UBR2: variants seen among roughly 807,000 people sequenced by gnomAD.
The protein encoded by UBR2 is ubiquitin protein ligase E3 component n-recognin 2, also known as E3 ubiquitin-protein ligase UBR2.
In UBR2, 92 loss-of-function variants were observed where a neutral mutation model predicts 247.9. The observed-to-expected ratio is 0.37, with a 90% CI of 0.31 to 0.44. UBR2 has a LOEUF of 0.44. UBR2 is among the 20% of genes least tolerant of loss of function. The pLI, the probability that UBR2 is intolerant of heterozygous loss-of-function variation, is 1.00. For synonymous variants in UBR2, 672 were observed against 693.5 expected (o/e 0.97, Z 0.49); for missense variants, 1,613 against 2,112.6 (o/e 0.76, Z 4.64).
In UBR2 at chr6:42,619,929, G is replaced by T; in HGVS notation, c.1281+2422G>T. On this transcript the variant is annotated intron_variant, in intron 11 of 46. Transcript: ENST00000372901. ...AGCTTATATGGTTTATATTTTTGAT[G>T]CTGTAGTAAACTTTTTATATTTTTG... 4 of 858,994 alleles carry T rather than the reference G, an allele frequency of 4.7e-6. No individual in the cohort carries two copies. In the South Asian group the frequency reaches 2.2e-4, roughly 46 times the overall value. 53.2% of individuals were successfully genotyped at this position (858,994 alleles called of 1,614,324 possible). A position where few individuals can be genotyped will look rare whatever the true frequency, so the allele number is the denominator to read the frequency against.
Position 42,662,165 on chromosome 6 carries a change from G to A in UBR2, c.3443-19G>A. On this transcript the variant is annotated intron_variant, in intron 30 of 46. Coordinates refer to ENST00000372901, the MANE Select transcript of UBR2 (RefSeq NM_001363705.2). The stretch of plus-strand genomic sequence containing the variant: ...AAATGCTTCACTTTTGTTTTGTTTT[G>A]TTTTGTTTTGTAATGCAGAAAAATA... The A allele has an allele frequency of 1.3e-6, 2 of 1,510,272 alleles. No individual in the cohort carries two copies. The highest frequency in any genetic ancestry group is 1.8e-6 in the Non-Finnish European group (2 of 1,100,854). The allele number at this position is 1,510,272 out of a possible 1,614,324, so 93.6% of individuals were successfully genotyped here. A position where few individuals can be genotyped will look rare whatever the true frequency, so the allele number is the denominator to read the frequency against.
At position 42,609,570 on chromosome 6, in the gene UBR2, T is replaced by C. The variant is rs114476500; in HGVS notation, c.865-2601T>C. Among the ~76,000 whole-genome samples the C allele has an allele frequency of 6.6e-3, 1,004 of 151,260 alleles. 5 individuals are homozygous for C. Among genetic ancestry groups the C allele is most frequent in the Non-Finnish European group, 9.5e-3 (641 of 67,754 alleles). Reference sequence around the variant, plus strand: ...AGTAAAAGGAGGATCCAAAAAAAAATAAAAAGGAGTAAATACATTCTTAAA... The same window carrying C: ...AGTAAAAGGAGGATCCAAAAAAAAACAAAAAGGAGTAAATACATTCTTAAA... On this transcript the variant is annotated intron_variant, in intron 7 of 46. Transcript: ENST00000372901.
intron 11 of UBR2, among the ~76,000 whole-genome samples, chr6:42,632,069 A>AAAAATATATATATATATATAT (rs56721828): frequency 8.8e-6 from 1 of 114,088 alleles, no homozygotes; most frequent in African/African-American, 3.4e-5. Context: ...AAAAAAAAAA[A>AAAAATATATATATATATATAT]ATATATATAT....
At chr6:42,673,936 ATTTTGT>A in intron 37 of UBR2, 49 bp downstream of exon 37, 2 of 1,526,138 alleles carry the variant, frequency 1.3e-6, no homozygotes, top group Non-Finnish European at 1.8e-6. Flanking sequence ...ATCCTCTGAA[ATTTTGT>A]TTTTAATGGT....
intron 15 of UBR2, among the ~76,000 whole-genome samples, chr6:42,638,096 T>G (rs1450383232): frequency 6.6e-6 from 1 of 152,226 alleles, no homozygotes; most frequent in Non-Finnish European, 1.5e-5. Flanking sequence ...CTTAAATGTT[T>G]GACAGAATTC....
chr6:42,615,862 A>C, intron 9 of UBR2, 140 bp from the exon 10 acceptor site: 1 of 554,168 alleles, frequency 1.8e-6, no homozygotes, highest in Non-Finnish European at 3.0e-6. Flanking sequence ...AGTTAAGACC[A>C]GCCTGGGCAA....
chr6:42,658,962 A>G, intron 29 of UBR2, 138 bp downstream of exon 29: 1 of 931,802 alleles, frequency 1.1e-6, no homozygotes, highest in Admixed American at 3.4e-5. Context: ...TGTGACCTCC[A>G]TTTAGAAGAT....
At chr6:42,582,931 GTGCTTATTGCCCATTCATCCAGCTTCTC>G (rs1792004863) in intron 2 of UBR2, among the ~76,000 whole-genome samples, 1 of 151,692 alleles carries the variant, frequency 6.6e-6, no homozygotes, top group South Asian at 2.1e-4. Context: ...GATTTTCCAT[GTGCTTATTGCCCATTCATCCAGCTTCTC>G]TTGTGAAGTT....
intron 36 of UBR2, 84 bp downstream of exon 36, chr6:42,670,799 T>G: frequency 3.6e-5 from 36 of 995,132 alleles, no homozygotes; most frequent in Non-Finnish European, 5.3e-5. Context: ...GGACCTGCAG[T>G]AGTTACTTAC....
In UBR2 at chr6:42,665,507, C is replaced by G; in HGVS notation, c.3797C>G (p.Thr1266Ser). 1 of 1,605,104 alleles carries G rather than the reference C, an allele frequency of 6.2e-7. No homozygotes were observed. The highest frequency in any genetic ancestry group is 8.5e-7 in the Non-Finnish European group (1 of 1,173,372). ...ALQFLRKEES[T>S]PNNASTKNSE... ...CAGTTTCTTAGGAAAGAAGAAAGTA[C>G]TCCTAGTAAGTTCTGGTAACCTGTT... is the stretch of plus-strand genomic sequence containing the variant. Residue 1266 changes from threonine to serine, a missense_variant, in exon 33 of 47, where the codon ACT becomes AGT. Physicochemically the swap from Thr to Ser is moderately conservative, Grantham distance 58. This residue lies in a region of UBR2 where 1,524 missense variants were observed against 1,967.3 expected (regional missense o/e 0.77). Transcript: ENST00000372901.
At chr6:42,664,692 T>A (rs1284117890) in intron 32 of UBR2, among the ~76,000 whole-genome samples, 1 of 152,260 alleles carries the variant, frequency 6.6e-6, no homozygotes, top group Non-Finnish European at 1.5e-5. Context: ...TTTGAACTGA[T>A]GAAGAAATTA....
At chr6:42,667,625 G>A (rs1238043855) in intron 34 of UBR2, among the ~76,000 whole-genome samples, 2 of 93,608 alleles carry the variant, frequency 2.1e-5, no homozygotes, top group African/African-American at 4.3e-5. Context: ...ATGGAATCTC[G>A]TGCTGTCGCC....
chr6:42,568,654 C>T (rs574633899), intron 1 of UBR2, among the ~76,000 whole-genome samples: 3 of 151,944 alleles, frequency 2.0e-5, no homozygotes, highest in East Asian at 1.9e-4. Flanking sequence ...GGCATGAACC[C>T]GGGAGGCGGA....
At chr6:42,611,790 C>T (rs1794104976) in intron 7 of UBR2, among the ~76,000 whole-genome samples, 1 of 151,788 alleles carries the variant, frequency 6.6e-6, no homozygotes, top group Non-Finnish European at 1.5e-5. Context: ...TCTGTAGTCC[C>T]AGCTCCTTGG....
chr6:42,634,559 ATTC>A (rs1408850729), intron 13 of UBR2, among the ~76,000 whole-genome samples: 5 of 152,190 alleles, frequency 3.3e-5, no homozygotes, highest in Non-Finnish European at 5.9e-5. Context: ...GGTTCAAGCA[ATTC>A]TTCTGCCTCA....
At position 42,615,688 on chromosome 6, in the gene UBR2, G is replaced by A. The variant is rs1476682249; in HGVS notation, c.1094-314G>A. On this transcript the variant is annotated intron_variant, in intron 9 of 46. Coordinates refer to ENST00000372901, the MANE Select transcript of UBR2 (RefSeq NM_001363705.2). ...GCCTGTAGTCTCAGCTACACAGGAG[G>A]CTGAGGCAAGAGGATCACTTGAGCT... is the stretch of plus-strand genomic sequence containing the variant. Among the ~76,000 whole-genome samples, 7 of 151,912 alleles carry A rather than the reference G, an allele frequency of 4.6e-5. 1 individual carries two copies. Among genetic ancestry groups the A allele is most frequent in the Non-Finnish European group, 1.0e-4 (7 of 67,996 alleles).
chr6:42,673,813 C>T lies in UBR2; in HGVS notation c.4109C>T (p.Thr1370Met), dbSNP rs1418401385. 1.4e-5 allele frequency: 23 copies of T among 1,613,640 alleles called. No individual in the cohort carries two copies. The highest frequency in any genetic ancestry group is 1.9e-5 in the Non-Finnish European group (23 of 1,179,818). The change falls in exon 37 of 47, where the codon ACG (threonine) becomes ATG (methionine). Residue 1370 changes from threonine (T) to methionine (M), a missense_variant. Transcript: ENST00000372901. ...TAGGATGACTGTCTTAGGTCATTGA[C>T]GAGATTTGCCGCAGCACACTGGACA... ...CRLDDCLRSL[T>M]RFAAAHWTVA...
chr6:42,599,551 A>G lies in UBR2; in HGVS notation c.532-4037A>G, dbSNP rs531071980. Among the ~76,000 whole-genome samples the G allele has an allele frequency of 6.6e-5, 10 of 152,292 alleles. No homozygotes were observed. The East Asian group carries it at 1.7e-3, about 26-fold the overall frequency. On this transcript the variant is annotated intron_variant, in intron 4 of 46. Coordinates refer to ENST00000372901, the MANE Select transcript of UBR2 (RefSeq NM_001363705.2). ...AATGATGCTCTTAACACAGTACCTT[A>G]TACTGGTTTTAAAAAGCATTTTTAG... is the stretch of plus-strand genomic sequence containing the variant.
intron 18 of UBR2, among the ~76,000 whole-genome samples, chr6:42,642,826 A>T (rs967418808): frequency 6.6e-6 from 1 of 152,148 alleles, no homozygotes; most frequent in Non-Finnish European, 1.5e-5. Context: ...TTCTTTAACT[A>T]ATGTACTAAT....
Sources: allele counts gnomAD v4.1 joint callset (sites outside exome capture counted in the v4.1 genomes callset), GRCh38; gene constraint gnomAD v4.1.1; regional missense constraint gnomAD v4.1.1; transcripts MANE v1.5; gene names NCBI Gene and HGNC (gene_info 2026-07-23, HGNC 2026-07-21).